Variants in UTRN observed in about 807,000 individuals in gnomAD.
UTRN encodes the protein utrophin.
In UTRN, 283 loss-of-function variants were observed where a neutral mutation model predicts 463.9. That is an observed-to-expected ratio of 0.61 (90% confidence interval 0.55 to 0.67). The LOEUF is 0.67. Among genes scored for constraint, UTRN ranks in the 30% least tolerant of loss-of-function variants. The pLI is 0.00. For missense variants in UTRN, 3,922 were observed against 4,084.3 expected, an observed-to-expected ratio of 0.96 and a Z score of 1.08; for synonymous variants, 1,442 against 1,431.5, an observed-to-expected ratio of 1.01 and a Z score of -0.17.
intron 63 of UTRN, among the ~76,000 whole-genome samples, chr6:144,794,617 T>C (rs1273046906): frequency 6.6e-6 from 1 of 152,212 alleles, no homozygotes; most frequent in Non-Finnish European, 1.5e-5. Flanking sequence ...CTAAGCTCCA[T>C]GAAGACAAGG....
At chr6:144,640,809 CT>C (rs1301697257) in intron 51 of UTRN, among the ~76,000 whole-genome samples, 1 of 152,130 alleles carries the variant, frequency 6.6e-6, no homozygotes, top group African/African-American at 2.4e-5. Flanking sequence ...CTAAAATATA[CT>C]AATTTTTAAT....
chr6:144,824,546 G>GTA (rs66795017), intron 66 of UTRN, among the ~76,000 whole-genome samples: 2 of 77,428 alleles, frequency 2.6e-5, no homozygotes, highest in Non-Finnish European at 2.6e-5. Flanking sequence ...TAATACATAT[G>GTA]TATATATATT....
At chr6:144,745,167 G>A (rs930868082) in intron 54 of UTRN, among the ~76,000 whole-genome samples, 5 of 152,018 alleles carry the variant, frequency 3.3e-5, no homozygotes, top group Admixed American at 6.6e-5. Context: ...ACTTGTAGGT[G>A]GTCCTTAGCA....
At chr6:144,414,229 A>G (rs1251378478) in intron 3 of UTRN, among the ~76,000 whole-genome samples, 1 of 152,110 alleles carries the variant, frequency 6.6e-6, no homozygotes, top group Non-Finnish European at 1.5e-5. Flanking sequence ...AGCTCCATGT[A>G]TGTTATTGCC....
At chr6:144,528,474 TC>T (rs1182006806) in intron 41 of UTRN, among the ~76,000 whole-genome samples, 1 of 152,220 alleles carries the variant, frequency 6.6e-6, no homozygotes, top group East Asian at 1.9e-4. Context: ...GATTCTTTTG[TC>T]CCATGAAATG....
chr6:144,501,972 A>AT (rs1328940894), intron 34 of UTRN, among the ~76,000 whole-genome samples: 2 of 152,050 alleles, frequency 1.3e-5, no homozygotes, highest in Admixed American at 6.6e-5. Flanking sequence ...AATTCTGACC[A>AT]TTTTTTATCA....
intron 74 of UTRN, among the ~76,000 whole-genome samples, chr6:144,849,133 G>A (rs1782271166): frequency 6.6e-6 from 1 of 152,078 alleles, no homozygotes; most frequent in African/African-American, 2.4e-5. Context: ...CATGGGTTTT[G>A]CGGATCACAG....
intron 51 of UTRN, among the ~76,000 whole-genome samples, chr6:144,614,337 G>T (rs1379786978): frequency 1.3e-5 from 2 of 152,052 alleles, no homozygotes; most frequent in African/African-American, 4.8e-5. Flanking sequence ...AGAAACAAGA[G>T]TGAAAAGAGT....
intron 70 of UTRN, 78 bp from the exon 71 acceptor site, chr6:144,836,223 A>T: frequency 6.3e-7 from 1 of 1,592,780 alleles, no homozygotes; most frequent in Non-Finnish European, 8.6e-7. Context: ...CATGAGCTAA[A>T]TTTGAACCTC....
chr6:144,662,734 T>A (rs1215495411), intron 51 of UTRN, among the ~76,000 whole-genome samples: 1 of 152,174 alleles, frequency 6.6e-6, no homozygotes, highest in Admixed American at 6.5e-5. Flanking sequence ...GGCCTTCCAA[T>A]GGTGGCTAAT....
intron 65 of UTRN, among the ~76,000 whole-genome samples, chr6:144,812,496 T>C (rs1003281685): frequency 6.6e-6 from 1 of 152,148 alleles, no homozygotes; most frequent in African/African-American, 2.4e-5. Context: ...GATTTCAGCA[T>C]AAAGTAAGAT....
At chr6:144,627,307 G>T (rs1262427821) in intron 51 of UTRN, among the ~76,000 whole-genome samples, 1 of 152,168 alleles carries the variant, frequency 6.6e-6, no homozygotes, top group African/African-American at 2.4e-5. Context: ...AGTAATAGCT[G>T]TTACATTCAT....
At chr6:144,745,980 A>T (rs1790695118) in intron 54 of UTRN, among the ~76,000 whole-genome samples, 1 of 151,074 alleles carries the variant, frequency 6.6e-6, no homozygotes, top group African/African-American at 2.4e-5. Flanking sequence ...TATAAGTATT[A>T]TATATTCATC....
chr6:144,482,012 C>G (rs185053555), intron 26 of UTRN, among the ~76,000 whole-genome samples, 197 bp from the exon 27 acceptor site: 19 of 152,114 alleles, frequency 1.2e-4, no homozygotes, highest in Admixed American at 1.1e-3. Flanking sequence ...GAACAAGACT[C>G]TATCTCAAAA....
At chr6:144,692,989 C>T (rs1783590367) in intron 52 of UTRN, among the ~76,000 whole-genome samples, 1 of 150,982 alleles carries the variant, frequency 6.6e-6, no homozygotes, top group Admixed American at 6.6e-5. Flanking sequence ...GGTATTGCCT[C>T]AGTTGTCTTT....
chr6:144,592,126 T>C (rs1585439617), intron 51 of UTRN, among the ~76,000 whole-genome samples: 1 of 152,296 alleles, frequency 6.6e-6, no homozygotes, highest in East Asian at 1.9e-4. Context: ...GAATGCTTTT[T>C]TTATGTCTTA....
chr6:144,741,893 A>G (rs1790138330), intron 54 of UTRN, among the ~76,000 whole-genome samples: 1 of 152,146 alleles, frequency 6.6e-6, no homozygotes, highest in African/African-American at 2.4e-5. Flanking sequence ...TTTAGACTCC[A>G]GTTCTGCCTC....
chr6:144,473,704 T>C lies in UTRN; in HGVS notation c.3067-16T>C, dbSNP rs1280755724. 2 of 1,609,116 alleles carry C rather than the reference T, an allele frequency of 1.2e-6. No individual in the cohort carries two copies. The highest frequency in any genetic ancestry group is 8.5e-7 in the Non-Finnish European group (1 of 1,175,700). On this transcript the variant is annotated splice_polypyrimidine_tract_variant and intron_variant, in intron 23 of 74. Coordinates refer to ENST00000367545, the MANE Select transcript of UTRN (RefSeq NM_007124.3). Reference sequence around the variant, plus strand: ...GTCACGAAGTAATATCCCCCTCTGTTATCATGTTCGATTAGGCCGATTCAA... The same window carrying C: ...GTCACGAAGTAATATCCCCCTCTGTCATCATGTTCGATTAGGCCGATTCAA...
At chr6:144,295,332 T>C (rs2114517912) in intron 2 of UTRN, among the ~76,000 whole-genome samples, 1 of 152,368 alleles carries the variant, frequency 6.6e-6, no homozygotes, top group South Asian at 2.1e-4. Flanking sequence ...TCCTTTTCTG[T>C]TGCTGTCAGT....
Sources: allele counts gnomAD v4.1 joint callset (sites outside exome capture counted in the v4.1 genomes callset), GRCh38; gene constraint gnomAD v4.1.1; transcripts MANE v1.5; gene names NCBI Gene and HGNC (gene_info 2026-07-23, HGNC 2026-07-21).